LMBR1: variants seen among roughly 807,000 people sequenced by gnomAD.
The protein encoded by LMBR1 is limb development membrane protein 1, also known as limb region 1 protein homolog.
LMBR1 carries 52 observed loss-of-function variants against 73.9 expected under a neutral mutation model. The observed-to-expected ratio is 0.70, with a 90% CI of 0.56 to 0.89. The LOEUF is 0.89. Among genes scored for constraint, LMBR1 ranks in the 40% least tolerant of loss-of-function variants. LMBR1 has a pLI of 0.00. For missense variants in LMBR1, 539 were observed against 579.8 expected, an observed-to-expected ratio of 0.93 and a Z score of 0.72; for synonymous variants, 215 against 209.4, an observed-to-expected ratio of 1.03 and a Z score of -0.23.
intron 4 of LMBR1, among the ~76,000 whole-genome samples, chr7:156,805,061 T>G (rs2133504834): frequency 6.6e-6 from 1 of 152,174 alleles, no homozygotes; most frequent in East Asian, 1.9e-4. Context: ...ATTAAAAAAT[T>G]GTTCTAGCAC....
At position 156,893,108 on chromosome 7, in the gene LMBR1, C is replaced by T. The variant is rs998718756; in HGVS notation, c.-115G>A. ...GGGGACCGGAGCCGGCACGGGCCCG[C>T]GAGCCGTGTTGGAACAGGTACCGCG... On this transcript the variant is annotated 5_prime_UTR_variant, in exon 1 of 17. Transcript: ENST00000353442. The T allele has an allele frequency of 4.0e-5, 44 of 1,109,888 alleles. No individual in the cohort carries two copies. In the South Asian group the frequency reaches 1.1e-3, roughly 27 times the overall value. The allele number at this position is 1,109,888 out of a possible 1,614,324, so 68.8% of individuals were successfully genotyped here. A position where few individuals can be genotyped will look rare whatever the true frequency, so the allele number is the denominator to read the frequency against.
At chr7:156,820,827 T>TGCAGGCTGCTCTGC in intron 4 of LMBR1, among the ~76,000 whole-genome samples, 1 of 152,206 alleles carries the variant, frequency 6.6e-6, no homozygotes, top group East Asian at 1.9e-4. Context: ...CCAGGCTCTG[T>TGCAGGCTGCTCTGC]GCAGGCTGCT....
chr7:156,831,292 T>TTTTTG (rs1198214660), intron 3 of LMBR1, among the ~76,000 whole-genome samples: 4 of 151,350 alleles, frequency 2.6e-5, no homozygotes, highest in Non-Finnish European at 5.9e-5. Flanking sequence ...TTTTTTTTTT[T>TTTTTG]TGGCAAATGC....
chr7:156,861,803 AAG>A (rs1797759138), intron 1 of LMBR1, among the ~76,000 whole-genome samples: 1 of 152,168 alleles, frequency 6.6e-6, no homozygotes, highest in Non-Finnish European at 1.5e-5. Context: ...AAAACATAAC[AAG>A]AGTCACCTTT....
At chr7:156,803,429 A>T (rs1260469141) in intron 4 of LMBR1, among the ~76,000 whole-genome samples, 1 of 152,214 alleles carries the variant, frequency 6.6e-6, no homozygotes, top group African/African-American at 2.4e-5. Flanking sequence ...CATCAGAGAA[A>T]TGCAAATCAA....
At chr7:156,815,746 G>A (rs1833812546) in intron 4 of LMBR1, among the ~76,000 whole-genome samples, 1 of 152,004 alleles carries the variant, frequency 6.6e-6, no homozygotes, top group African/African-American at 2.4e-5. Flanking sequence ...CCACGTGTTG[G>A]GGAGCCTCAA....
chr7:156,723,956 C>A (rs536817136), intron 15 of LMBR1, among the ~76,000 whole-genome samples, 156 bp downstream of exon 15: 10 of 151,912 alleles, frequency 6.6e-5, no homozygotes, highest in African/African-American at 2.2e-4. Context: ...CTTGGTATGC[C>A]CCTATACATA....
downstream of LMBR1, chr7:156,675,764 C>A: frequency 6.2e-7 from 1 of 1,613,010 alleles, no homozygotes; most frequent in Non-Finnish European, 8.5e-7. Context: ...TTGCAGAAAT[C>A]GATCAGTGCT....
rs1213665962 is a variant in LMBR1 at position 156,893,002 on chromosome 7, A to G, written c.-9T>C. 2.0e-6 allele frequency: 3 copies of G among 1,518,572 alleles called. No homozygotes were observed. The highest frequency in any genetic ancestry group is 2.6e-6 in the Non-Finnish European group (3 of 1,140,378). The allele number at this position is 1,518,572 out of a possible 1,614,324, so 94.1% of individuals were successfully genotyped here. Reference sequence around the variant, plus strand: ...TCGTCCTGCCCTTCCATCCTCCTTCATGCCCGCCGCCGCGCCGCCCGCGTC... The same window carrying G: ...TCGTCCTGCCCTTCCATCCTCCTTCGTGCCCGCCGCCGCGCCGCCCGCGTC... On this transcript the variant is annotated 5_prime_UTR_variant, in exon 1 of 17. The change abolishes an upstream ATG in the 5' untranslated region. Transcript: ENST00000353442.
chr7:156,681,247 G>A lies in LMBR1; in HGVS notation c.*2831C>T, dbSNP rs908376896. The stretch of plus-strand genomic sequence containing the variant: ...GCCATGGGCACCCAGCAGATGGGGA[G>A]GCCGCACTGCCGCTGAGAGCAGGTA... On this transcript the variant is annotated 3_prime_UTR_variant, in exon 17 of 17. Coordinates refer to ENST00000353442, the MANE Select transcript of LMBR1 (RefSeq NM_022458.4). 1.2e-5 allele frequency: 5 copies of A among 433,138 alleles called. No individual in the cohort carries two copies. Among genetic ancestry groups the A allele is most frequent in the Admixed American group, 8.8e-5 (3 of 34,010 alleles). The allele number at this position is 433,138 out of a possible 1,614,324, so 26.8% of individuals were successfully genotyped here.
At chr7:156,722,122 A>G (rs928031399) in intron 15 of LMBR1, among the ~76,000 whole-genome samples, 5 of 152,134 alleles carry the variant, frequency 3.3e-5, no homozygotes, top group Non-Finnish European at 7.4e-5. Context: ...TAGAGATAAA[A>G]TATGATTTTT....
intron 5 of LMBR1, chr7:156,779,544 G>T (rs529780075): frequency 1.7e-5 from 5 of 296,448 alleles, no homozygotes; most frequent in Non-Finnish European, 3.2e-5. Flanking sequence ...GAACTAAATG[G>T]ATAGTCTACT....
chr7:156,801,213 A>T (rs77153850), intron 4 of LMBR1, among the ~76,000 whole-genome samples: 4,846 of 152,310 alleles, frequency 0.032, 125 homozygotes, highest in South Asian at 0.085. Flanking sequence ...AATATGGCAA[A>T]CTACACTGTT....
chr7:156,870,474 T>C (rs1411088877), intron 1 of LMBR1, among the ~76,000 whole-genome samples: 1 of 151,924 alleles, frequency 6.6e-6, no homozygotes, highest in African/African-American at 2.4e-5. Flanking sequence ...AATTAGAAAA[T>C]ATCTCAAGAT....
Position 156,815,443 on chromosome 7 carries a change from C to A in LMBR1, c.319+11162G>T, listed in dbSNP as rs368491633. Among the ~76,000 whole-genome samples, 31 of 152,266 alleles carry A rather than the reference C, an allele frequency of 2.0e-4. No individual in the cohort carries two copies. The East Asian group carries it at 2.3e-3, about 11-fold the overall frequency. Reference sequence around the variant, plus strand: ...ACTAATTAACAATATCAATGTAGCACAACTGTGCGTGATTTTTTTGTCTGG... The same window carrying A: ...ACTAATTAACAATATCAATGTAGCAAAACTGTGCGTGATTTTTTTGTCTGG... On this transcript the variant is annotated intron_variant, in intron 4 of 16. Coordinates refer to ENST00000353442, the MANE Select transcript of LMBR1 (RefSeq NM_022458.4).
intron 1 of LMBR1, among the ~76,000 whole-genome samples, chr7:156,877,270 T>C (rs1488766604): frequency 6.7e-6 from 1 of 149,254 alleles, no homozygotes; most frequent in Non-Finnish European, 1.5e-5. Flanking sequence ...TTTTAAAAAT[T>C]ACCAAAAAAA....
At position 156,826,738 on chromosome 7, in the gene LMBR1, AAAC is replaced by A. The variant is rs886042212; in HGVS notation, c.183_185del (p.Leu61del). 6.2e-7 allele frequency: 1 copy of A among 1,605,364 alleles called. No homozygotes were observed. The highest frequency in any genetic ancestry group is 8.5e-7 in the Non-Finnish European group (1 of 1,174,866). On this transcript the variant is annotated inframe_deletion, in exon 4 of 17. Transcript: ENST00000353442. ...ACACTGCGAGAGTGAACGTGCTCAA[AAAC>A]AACCTGGAAGAAAGGAGAGTCACCA... is the stretch of plus-strand genomic sequence containing the variant.
At chr7:156,885,168 C>G (rs1470285472) in intron 1 of LMBR1, among the ~76,000 whole-genome samples, 1 of 152,034 alleles carries the variant, frequency 6.6e-6, no homozygotes, top group Non-Finnish European at 1.5e-5. Flanking sequence ...GCTTGGCCAA[C>G]ATGGCAAAAC....
intron 5 of LMBR1, among the ~76,000 whole-genome samples, chr7:156,785,482 CG>C (rs1563354650): frequency 6.6e-6 from 1 of 152,102 alleles, no homozygotes; most frequent in Non-Finnish European, 1.5e-5. Context: ...TCCTGACATA[CG>C]GATGTATTCA....
Sources: allele counts gnomAD v4.1 joint callset (sites outside exome capture counted in the v4.1 genomes callset), GRCh38; gene constraint gnomAD v4.1.1; transcripts MANE v1.5; gene names NCBI Gene and HGNC (gene_info 2026-07-23, HGNC 2026-07-21).